Variants in LYST observed in about 807,000 individuals in gnomAD.
The protein encoded by LYST is lysosomal trafficking regulator.
LYST carries 192 observed loss-of-function variants against 413.6 expected under a neutral mutation model. The ratio of observed to expected loss-of-function variants is 0.46; its 90% confidence interval spans 0.41 to 0.52. The LOEUF (loss-of-function observed/expected upper bound fraction) is 0.52, where lower values mean the gene tolerates loss of function less well. LYST is among the 20% of genes least tolerant of loss of function. The pLI, the probability that LYST is intolerant of heterozygous loss-of-function variation, is 0.00. For synonymous variants in LYST, 1,525 were observed against 1,567.3 expected, an observed-to-expected ratio of 0.97 and a Z score of 0.64; for missense variants, 3,815 against 4,499.9, an observed-to-expected ratio of 0.85 and a Z score of 4.35.
intron 3 of LYST, among the ~76,000 whole-genome samples, chr1:235,825,078 C>T (rs150865625): frequency 7.6e-4 from 116 of 152,128 alleles, no homozygotes; most frequent in African/African-American, 2.7e-3. Context: ...GATAACTTAC[C>T]TACATTACAG....
At chr1:235,861,285 A>T (rs1054892396) in intron 1 of LYST, among the ~76,000 whole-genome samples, 4 of 152,212 alleles carry the variant, frequency 2.6e-5, no homozygotes, top group Admixed American at 2.6e-4. Flanking sequence ...TTCTTGATTA[A>T]GATAATCAAT....
chr1:235,687,092 G>T, intron 47 of LYST, 45 bp from the exon 48 acceptor site: 1 of 1,253,082 alleles, frequency 8.0e-7, no homozygotes, highest in Non-Finnish European at 1.2e-6. Flanking sequence ...TTAAAAGAAT[G>T]AAACTTAAAG....
chr1:235,695,337 G>C (rs933073738), intron 46 of LYST, among the ~76,000 whole-genome samples: 1 of 152,208 alleles, frequency 6.6e-6, no homozygotes, highest in African/African-American at 2.4e-5. Flanking sequence ...TAAGCAGCAG[G>C]GCAAGGATGC....
At position 235,809,222 on chromosome 1, in the gene LYST, T is replaced by C. The variant is rs377535983; in HGVS notation, c.1596A>G (p.Pro532=). 3.1e-6 allele frequency: 5 copies of C among 1,613,718 alleles called. No individual in the cohort carries two copies. The African/African-American group carries it at 5.3e-5, about 17-fold the overall frequency. ...CATCTCCATCTGCAGTCTCTTCAAATGGGTTTTTGGAAACCTGGTTTTTAA... is the reference window on the plus strand; with the variant it reads ...CATCTCCATCTGCAGTCTCTTCAAACGGGTTTTTGGAAACCTGGTTTTTAA... ...SAFKNQVSKN[P]FEETADGDVY... is the part of the protein sequence containing the mutation. Residue 532 remains proline (P), a synonymous_variant, in exon 5 of 53, where the codon CCA becomes CCG. Coordinates refer to ENST00000389793, the MANE Select transcript of LYST (RefSeq NM_000081.4). This position sits in a 1 kb window ranked among gnomAD's most constrained non-coding sequence, Gnocchi z 4.0.
At chr1:235,687,690 C>G (rs1035378252) in intron 47 of LYST, among the ~76,000 whole-genome samples, 1 of 152,110 alleles carries the variant, frequency 6.6e-6, no homozygotes, top group Non-Finnish European at 1.5e-5. Flanking sequence ...TCCGCAGCAA[C>G]TGTCCCCAAC....
intron 45 of LYST, 61 bp from the exon 46 acceptor site, chr1:235,697,333 C>T: frequency 1.7e-6 from 2 of 1,204,670 alleles, no homozygotes; most frequent in Non-Finnish European, 1.2e-6. Flanking sequence ...AGAATTACTT[C>T]TAATTTAAGC....
intron 1 of LYST, among the ~76,000 whole-genome samples, chr1:235,882,824 C>A (rs1681435636): frequency 6.6e-6 from 1 of 152,202 alleles, no homozygotes; most frequent in Non-Finnish European, 1.5e-5. Context: ...CATCTGCACA[C>A]ATGTATTGAG....
intron 14 of LYST, among the ~76,000 whole-genome samples, chr1:235,786,395 A>G (rs1404792657): frequency 6.6e-6 from 1 of 152,186 alleles, no homozygotes; most frequent in Non-Finnish European, 1.5e-5. Flanking sequence ...AAAGTCAGCA[A>G]ACAACAGGTG....
chr1:235,869,448 G>C (rs923218601), upstream of LYST, among the ~76,000 whole-genome samples: 1 of 152,108 alleles, frequency 6.6e-6, no homozygotes, highest in Non-Finnish European at 1.5e-5. Flanking sequence ...GTCTGGCCCG[G>C]GTGAAAGAGC....
chr1:235,707,500 G>A (rs1272587998), intron 44 of LYST, among the ~76,000 whole-genome samples: 5 of 152,046 alleles, frequency 3.3e-5, no homozygotes, highest in African/African-American at 1.2e-4. Flanking sequence ...GTGGGCGCCT[G>A]TAATCCCAAC....
At chr1:235,698,616 A>T (rs1212470124) in intron 45 of LYST, among the ~76,000 whole-genome samples, 1 of 152,188 alleles carries the variant, frequency 6.6e-6, no homozygotes, top group Non-Finnish European at 1.5e-5. Context: ...TCAAGCCTGT[A>T]ATCCCAGCAC....
At position 235,734,600 on chromosome 1, in the gene LYST, C is replaced by G. The variant is rs779792781; in HGVS notation, c.8418G>C (p.Leu2806Phe). ...CTGCTGTGCCTAGCTCTTCTTCAGT[C>G]AATTCACCTTGGTGATTATGTATCA... ...SELIHNHQGELTEEELGTAEL... is the reference protein window; with the variant it reads ...SELIHNHQGEFTEEELGTAEL... Residue 2806 changes from leucine (L) to phenylalanine (F), a missense_variant, in exon 32 of 53, where the codon TTG becomes TTC. By Grantham distance (22) the Leu-to-Phe change is conservative. Around this residue, in one of 4 missense-constraint regions of LYST, gnomAD observed 771 missense variants for 837.1 expected, o/e 0.92. Transcript: ENST00000389793. The G allele has an allele frequency of 6.2e-7, 1 of 1,613,198 alleles. No homozygotes were observed. Among genetic ancestry groups the G allele is most frequent in the East Asian group, 2.2e-5 (1 of 44,836 alleles).
chr1:235,665,670 T>TA (rs1447204172), intron 50 of LYST, among the ~76,000 whole-genome samples: 9 of 150,358 alleles, frequency 6.0e-5, no homozygotes, highest in Non-Finnish European at 1.3e-4. Context: ...AAAGGTGTAG[T>TA]AAAAATTACC....
intron 32 of LYST, 92 bp downstream of exon 32, chr1:235,734,391 T>A: frequency 1.0e-6 from 1 of 989,230 alleles, no homozygotes; most frequent in Admixed American, 1.7e-5. Flanking sequence ...AAGTTCATCA[T>A]CAATGATAGC....
At chr1:235,772,679 T>C (rs116272222) in intron 19 of LYST, among the ~76,000 whole-genome samples, 5 of 152,310 alleles carry the variant, frequency 3.3e-5, no homozygotes, top group African/African-American at 1.2e-4. Context: ...TTGCCCTATA[T>C]ACCATGGTCC....
intron 50 of LYST, among the ~76,000 whole-genome samples, chr1:235,669,597 G>C (rs1658763081): frequency 6.6e-6 from 1 of 152,192 alleles, no homozygotes; most frequent in Admixed American, 6.5e-5. Context: ...CTGATTGGTG[G>C]TTTTAGGCAA....
intron 3 of LYST, among the ~76,000 whole-genome samples, chr1:235,817,972 G>GT (rs1453923539): frequency 2.6e-5 from 4 of 152,034 alleles, no homozygotes; most frequent in African/African-American, 9.7e-5. Flanking sequence ...GAGAAAATAC[G>GT]TAAGTTTTAC....
intron 49 of LYST, 36 bp from the exon 50 acceptor site, chr1:235,677,224 T>G (rs1476944098): frequency 7.1e-7 from 1 of 1,407,330 alleles, no homozygotes; most frequent in South Asian, 1.2e-5. Context: ...TATATGATCA[T>G]TAAATATAAT....
intron 45 of LYST, among the ~76,000 whole-genome samples, chr1:235,700,438 T>G (rs1301164399): frequency 6.6e-6 from 1 of 152,170 alleles, no homozygotes; most frequent in African/African-American, 2.4e-5. Flanking sequence ...AACAGCCACT[T>G]CTCATAGAAT....
Sources: allele counts gnomAD v4.1 joint callset (sites outside exome capture counted in the v4.1 genomes callset), GRCh38; gene constraint gnomAD v4.1.1; regional missense constraint gnomAD v4.1.1; non-coding constraint Gnocchi (gnomAD v3.1); transcripts MANE v1.5; gene names NCBI Gene and HGNC (gene_info 2026-07-23, HGNC 2026-07-21).